MILR1: variants seen among roughly 807,000 people sequenced by gnomAD.
MILR1 encodes allergin-1.
MILR1 carries 31 observed loss-of-function variants against 18.5 expected under a neutral mutation model. The ratio of observed to expected loss-of-function variants is 1.68; its 90% CI spans 1.26 to 2.26. MILR1 has a LOEUF of 2.26. Among genes scored for constraint, MILR1 ranks in the 30% most tolerant of loss-of-function variants. MILR1 has a pLI of 0.00. For missense variants in MILR1, 257 were observed against 157.4 expected (o/e 1.63, Z -3.38); for synonymous variants, 85 against 56.2 (o/e 1.51, Z -2.30).
At chr17:64,486,772 A>C in the MILR1 span, 1 of 152,186 alleles carries the variant, frequency 6.6e-6, no homozygotes, top group South Asian at 2.1e-4. Flanking sequence ...TAATTTTCTG[A>C]AACGTAAAGT....
chr17:64,488,072 T>C, the MILR1 span, among the ~76,000 whole-genome samples: 1 of 151,370 alleles, frequency 6.6e-6, no homozygotes, highest in Non-Finnish European at 1.5e-5. Flanking sequence ...AGATACAAAA[T>C]GGCCTAAGAG....
chr17:64,496,950 C>T, the MILR1 span: 3 of 1,607,562 alleles, frequency 1.9e-6, no homozygotes, highest in Non-Finnish European at 2.5e-6. Flanking sequence ...CAGGCCCTGA[C>T]GGCTACACGA....
intron 5 of MILR1, among the ~76,000 whole-genome samples, chr17:64,461,317 G>A (rs955312692): frequency 5.9e-5 from 9 of 151,562 alleles, no homozygotes; most frequent in African/African-American, 2.2e-4. Flanking sequence ...GTACGATCTC[G>A]GCTCACTGCA....
At chr17:64,470,866 C>A (rs1484077995), downstream of MILR1, among the ~76,000 whole-genome samples, 4 of 152,238 alleles carry the variant, frequency 2.6e-5, no homozygotes, top group African/African-American at 9.7e-5. Flanking sequence ...ATTAACTTCA[C>A]AATCCACATA....
the MILR1 span, chr17:64,490,985 TAA>T: frequency 2.5e-6 from 4 of 1,597,332 alleles, no homozygotes; most frequent in South Asian, 4.4e-5. Context: ...AAAGAAAATT[TAA>T]GTTTGTCTTA....
intron 6 of MILR1, among the ~76,000 whole-genome samples, chr17:64,466,158 T>A (rs555064791): frequency 6.6e-6 from 1 of 152,236 alleles, no homozygotes; most frequent in East Asian, 1.9e-4. Context: ...TATAAAACCA[T>A]CAGATCTTGT....
At chr17:64,457,379 T>C (rs1180109161) in intron 3 of MILR1, 21 bp from the exon 4 acceptor site, 12 of 473,634 alleles carry the variant, frequency 2.5e-5, no homozygotes, top group African/African-American at 4.0e-5. Flanking sequence ...ATCCTTTTCA[T>C]GTTCACTTTC....
intron 2 of MILR1, among the ~76,000 whole-genome samples, chr17:64,450,549 G>A (rs899833276): frequency 5.9e-5 from 9 of 151,596 alleles, no homozygotes; most frequent in East Asian, 1.9e-4. Flanking sequence ...GCACAATCTC[G>A]GCTCACTGCA....
At chr17:64,479,066 T>C in the MILR1 span, among the ~76,000 whole-genome samples, 6 of 152,206 alleles carry the variant, frequency 3.9e-5, no homozygotes, top group South Asian at 4.1e-4. Flanking sequence ...AGGATAAGAA[T>C]TGAGAACCTG....
chr17:64,485,619 C>T, the MILR1 span: 1 of 931,584 alleles, frequency 1.1e-6, no homozygotes, highest in South Asian at 1.4e-5. Context: ...ACTACATGCA[C>T]TAAATTTATT....
chr17:64,458,402 G>A (rs928350197), intron 4 of MILR1, among the ~76,000 whole-genome samples: 4 of 151,810 alleles, frequency 2.6e-5, no homozygotes, highest in Admixed American at 6.6e-5. Context: ...CAGTAGAGAC[G>A]GGTTTTCACC....
chr17:64,483,523 A>AC, the MILR1 span, among the ~76,000 whole-genome samples: 2 of 151,286 alleles, frequency 1.3e-5, no homozygotes, highest in African/African-American at 4.9e-5. Flanking sequence ...CAAAAAAAAA[A>AC]AAAAACAAAT....
the MILR1 span, among the ~76,000 whole-genome samples, chr17:64,495,483 G>A: frequency 2.0e-5 from 3 of 151,990 alleles, no homozygotes; most frequent in African/African-American, 7.3e-5. Context: ...GGAGGCTGAG[G>A]TGGGAGGTTC....
At chr17:64,455,906 G>T (rs2037288108) in intron 3 of MILR1, among the ~76,000 whole-genome samples, 1 of 151,990 alleles carries the variant, frequency 6.6e-6, no homozygotes, top group African/African-American at 2.4e-5. Context: ...TAGGCATGGT[G>T]GTGGGCACCT....
intron 3 of MILR1, among the ~76,000 whole-genome samples, chr17:64,453,316 G>C (rs981017402): frequency 2.8e-4 from 43 of 152,094 alleles, no homozygotes; most frequent in South Asian, 1.5e-3. Context: ...TGATCCGCCT[G>C]CCTCAGCCTC....
At chr17:64,450,741 C>T (rs1281745977) in intron 2 of MILR1, among the ~76,000 whole-genome samples, 1 of 152,178 alleles carries the variant, frequency 6.6e-6, no homozygotes, top group Non-Finnish European at 1.5e-5. Flanking sequence ...CTCTGCCTCC[C>T]AAAGTGCTGG....
chr17:64,475,662 A>C, the MILR1 span, among the ~76,000 whole-genome samples: 47 of 148,970 alleles, frequency 3.2e-4, no homozygotes, highest in East Asian at 5.8e-4. Context: ...AAAAAAAAAA[A>C]AACAACAAAA....
intron 4 of MILR1, among the ~76,000 whole-genome samples, chr17:64,458,244 A>T (rs2037346938): frequency 7.7e-6 from 1 of 130,498 alleles, no homozygotes; most frequent in Non-Finnish European, 1.6e-5. Context: ...TCAGAGTGTC[A>T]CTCTGTTGCC....
the MILR1 span, chr17:64,492,953 T>C: frequency 1.4e-5 from 23 of 1,613,890 alleles, no homozygotes; most frequent in Non-Finnish European, 1.9e-5. Context: ...CACACTCCAA[T>C]CTGAGCAAGG....
Sources: allele counts gnomAD v4.1 joint callset (sites outside exome capture counted in the v4.1 genomes callset), GRCh38; gene constraint gnomAD v4.1.1; transcripts MANE v1.5; gene names NCBI Gene and HGNC (gene_info 2026-07-23, HGNC 2026-07-21).